PRSS23: variants seen among roughly 807,000 people sequenced by gnomAD.
PRSS23 encodes protease, serine 23.
Under a neutral mutation model 34.7 loss-of-function variants are expected in PRSS23, and 25 were observed. The observed-to-expected ratio is 0.72, with a 90% CI of 0.53 to 1.01. The LOEUF (loss-of-function observed/expected upper bound fraction) is 1.01. PRSS23 is among the 50% of genes least tolerant of loss of function. The pLI, the probability that PRSS23 is intolerant of heterozygous loss-of-function variation, is 0.00. For missense variants in PRSS23, 445 were observed against 475.6 expected (o/e 0.94, Z 0.60); for synonymous variants, 176 against 186.6 (o/e 0.94, Z 0.46).
chr11:86,846,856 A>G (rs1174715836), intron 2 of PRSS23, among the ~76,000 whole-genome samples: 3 of 152,176 alleles, frequency 2.0e-5, no homozygotes, highest in Non-Finnish European at 4.4e-5. Context: ...GTTCCCCACC[A>G]TAGTGTGTAG....
chr11:86,885,279 T>TA (rs1948795482), intron 2 of PRSS23, among the ~76,000 whole-genome samples: 2 of 152,194 alleles, frequency 1.3e-5, no homozygotes, highest in South Asian at 4.1e-4. Context: ...CACAGAAACC[T>TA]GAAGCCCTTT....
intron 2 of PRSS23, among the ~76,000 whole-genome samples, chr11:86,872,484 C>T (rs1395204476): frequency 6.6e-6 from 1 of 152,186 alleles, no homozygotes; most frequent in Non-Finnish European, 1.5e-5. Context: ...CCCATTCCTC[C>T]ACCCTCAGGT....
intron 1 of PRSS23, among the ~76,000 whole-genome samples, chr11:86,805,266 A>G (rs1948086957): frequency 6.6e-6 from 1 of 152,168 alleles, no homozygotes; most frequent in African/African-American, 2.4e-5. Flanking sequence ...CTCCTTAGCC[A>G]GTAGGTGGGA....
downstream of PRSS23, among the ~76,000 whole-genome samples, chr11:86,814,248 A>G (rs1238985391): frequency 6.6e-6 from 1 of 152,216 alleles, no homozygotes; most frequent in African/African-American, 2.4e-5. Flanking sequence ...TATTTAAACC[A>G]CAGAGAAATA....
At chr11:86,871,923 T>G (rs1233614587) in intron 2 of PRSS23, among the ~76,000 whole-genome samples, 1 of 152,260 alleles carries the variant, frequency 6.6e-6, no homozygotes, top group Non-Finnish European at 1.5e-5. Context: ...TATGTATATA[T>G]GTGTGACTGT....
chr11:86,824,663 T>C (rs1208598004), intron 2 of PRSS23, among the ~76,000 whole-genome samples: 11 of 124,682 alleles, frequency 8.8e-5, no homozygotes. Flanking sequence ...CAGAGTGTGA[T>C]GTTCCCCTTC....
chr11:86,875,394 T>C (rs1455070440), intron 2 of PRSS23, among the ~76,000 whole-genome samples: 2 of 152,052 alleles, frequency 1.3e-5, no homozygotes, highest in Admixed American at 6.6e-5. Flanking sequence ...ATAAAATAAA[T>C]GAAATAAAGT....
chr11:86,929,910 A>C (rs1949112064), intron 2 of PRSS23, among the ~76,000 whole-genome samples: 1 of 152,198 alleles, frequency 6.6e-6, no homozygotes, highest in African/African-American at 2.4e-5. Context: ...CATAAAAGTG[A>C]GTGGAAAAAA....
intron 2 of PRSS23, among the ~76,000 whole-genome samples, chr11:86,931,452 CTTAAATCCATGAA>C (rs1443543561): frequency 6.6e-6 from 1 of 151,836 alleles, no homozygotes; most frequent in Non-Finnish European, 1.5e-5. Context: ...ATGAATGAGT[CTTAAATCCATGAA>C]AAAAAAGCAC....
In PRSS23 at chr11:86,847,172, C is replaced by T. The variant is rs188271766; in HGVS notation, c.206+23579C>T. 5.9e-4 allele frequency among the ~76,000 whole-genome samples: 90 copies of T among 152,354 alleles called. 1 individual carries two copies. The East Asian group carries it at 8.7e-3, about 15-fold the overall frequency. Reference sequence around the variant, plus strand: ...GGCTAAAGTACAGCAGCTGTTCTCTCAGCCCTGGTCTGGAGGACATCCACC... The same window carrying T: ...GGCTAAAGTACAGCAGCTGTTCTCTTAGCCCTGGTCTGGAGGACATCCACC... On this transcript the variant is annotated intron_variant, in intron 2 of 2. Coordinates refer to the PRSS23 transcript ENST00000533902.
intron 2 of PRSS23, among the ~76,000 whole-genome samples, chr11:86,849,804 A>G (rs1318064199): frequency 6.6e-6 from 1 of 152,144 alleles, no homozygotes; most frequent in Non-Finnish European, 1.5e-5. Context: ...CTGCACCTCA[A>G]AGATGCCTTC....
exon 3 of PRSS23, chr11:86,952,148 T>A: frequency 6.2e-7 from 1 of 1,612,712 alleles, no homozygotes; most frequent in African/African-American, 1.3e-5. Context: ...ATAGCCACAC[T>A]TGAGCACACA....
At chr11:86,939,431 T>TTTTTTTAAAAATATATATATATATATATA (rs1555084022) in intron 2 of PRSS23, among the ~76,000 whole-genome samples, 1 of 141,752 alleles carries the variant, frequency 7.1e-6, no homozygotes, top group Non-Finnish European at 1.5e-5. Flanking sequence ...TATATATTTT[T>TTTTTTTAAAAATATATATATATATATATA]TAACATGAGT....
chr11:86,935,400 C>T (rs1949154685), intron 2 of PRSS23: 1 of 151,960 alleles, frequency 6.6e-6, no homozygotes, highest in Non-Finnish European at 1.5e-5. Flanking sequence ...GTGCTGTGGA[C>T]GGCAAAGGCA....
At chr11:86,835,379 C>T (rs1948396711) in intron 2 of PRSS23, among the ~76,000 whole-genome samples, 1 of 152,226 alleles carries the variant, frequency 6.6e-6, no homozygotes, top group Admixed American at 6.5e-5. Context: ...ATCCCTTGGA[C>T]CTGTGTAAGG....
chr11:86,934,031 A>G (rs563632122), intron 2 of PRSS23: 1 of 152,324 alleles, frequency 6.6e-6, no homozygotes, highest in South Asian at 2.1e-4. Flanking sequence ...TTGAGTGTAA[A>G]TTCGAGACTG....
intron 2 of PRSS23, chr11:86,911,239 C>T (rs1948975149): frequency 6.6e-6 from 1 of 152,006 alleles, no homozygotes; most frequent in Admixed American, 6.6e-5. Flanking sequence ...ATATAATTAG[C>T]TTATAAGGAA....
At chr11:86,868,624 G>T (rs1016512800) in intron 2 of PRSS23, among the ~76,000 whole-genome samples, 1 of 152,080 alleles carries the variant, frequency 6.6e-6, no homozygotes, top group South Asian at 2.1e-4. Flanking sequence ...TCTAATTTAG[G>T]TCATTGCATG....
At chr11:86,817,950 A>G (rs189242181) in intron 1 of PRSS23, among the ~76,000 whole-genome samples, 23 of 152,196 alleles carry the variant, frequency 1.5e-4, no homozygotes. Flanking sequence ...TCATGCTCTT[A>G]TTCTACTAAT....
Sources: gnomAD v4.1 joint callset for allele counts (sites outside exome capture counted in the v4.1 genomes callset) on GRCh38, gnomAD v4.1.1 for gene constraint, MANE v1.5 for transcripts, NCBI Gene and HGNC (gene_info 2026-07-23, HGNC 2026-07-21) for gene names.